The following GRM5 variants were observed in gnomAD, a reference collection of about 807,000 sequenced individuals.
The protein encoded by GRM5 is glutamate metabotropic receptor 5.
GRM5 carries 19 observed loss-of-function variants against 83.1 expected under a neutral mutation model. That is an observed-to-expected ratio of 0.23 (90% CI 0.16 to 0.34). The LOEUF (loss-of-function observed/expected upper bound fraction) is 0.34, where lower values mean the gene tolerates loss of function less well. Among genes scored for constraint, GRM5 ranks in the 10% least tolerant of loss-of-function variants. The probability of loss-of-function intolerance (pLI) is 1.00; values close to 1 mark genes in which losing one functional copy is unlikely to be tolerated. For missense variants in GRM5, 1,160 were observed against 1,588.3 expected, an observed-to-expected ratio of 0.73 and a Z score of 4.58; for synonymous variants, 675 against 633.6, an observed-to-expected ratio of 1.07 and a Z score of -0.98.
At chr11:88,854,882 TAGTA>T (rs1309181736) in intron 2 of GRM5, among the ~76,000 whole-genome samples, 5 of 152,118 alleles carry the variant, frequency 3.3e-5, no homozygotes, top group African/African-American at 9.6e-5. Flanking sequence ...AATCATACTT[TAGTA>T]AGTAATTTGT....
At chr11:89,011,113 T>G (rs1940683115) in intron 2 of GRM5, among the ~76,000 whole-genome samples, 1 of 152,236 alleles carries the variant, frequency 6.6e-6, no homozygotes, top group Non-Finnish European at 1.5e-5. Flanking sequence ...CTAACCTCAG[T>G]AAACAAAACC....
At chr11:88,683,395 T>C (rs1425751001) in intron 3 of GRM5, among the ~76,000 whole-genome samples, 11 of 152,252 alleles carry the variant, frequency 7.2e-5, no homozygotes, top group Non-Finnish European at 1.6e-4. Context: ...ACTATGCACA[T>C]AGTCACATTC....
At chr11:88,773,340 T>C (rs1293022293) in intron 3 of GRM5, among the ~76,000 whole-genome samples, 1 of 152,220 alleles carries the variant, frequency 6.6e-6, no homozygotes, top group Non-Finnish European at 1.5e-5. Flanking sequence ...CTTTGTAGAT[T>C]CTGGATATTA....
chr11:88,957,974 A>AT (rs1196317315), intron 2 of GRM5, among the ~76,000 whole-genome samples: 1 of 152,110 alleles, frequency 6.6e-6, no homozygotes, highest in East Asian at 1.9e-4. Context: ...TTTAAGAACT[A>AT]TTTTTAATTT....
chr11:88,791,778 A>T (rs182684204), intron 3 of GRM5, among the ~76,000 whole-genome samples: 1 of 152,182 alleles, frequency 6.6e-6, no homozygotes, highest in Admixed American at 6.5e-5. Context: ...TATTGAAATG[A>T]AATCAATTCT....
chr11:89,030,240 A>G lies in GRM5; in HGVS notation c.661+16972T>C, dbSNP rs1420362494. Among the ~76,000 whole-genome samples, 5 of 152,122 alleles carry G rather than the reference A, an allele frequency of 3.3e-5. No homozygotes were observed. The South Asian group carries it at 6.2e-4, about 19-fold the overall frequency. ...ATTCTTCCAGTAAAATTCTTTTTCA[A>G]TAAAAGTGTCTTCAGAATGATTGGC... is the stretch of plus-strand genomic sequence containing the variant. On this transcript the variant is annotated intron_variant, in intron 2 of 9. Coordinates refer to ENST00000305447, the MANE Select transcript of GRM5 (RefSeq NM_001143831.3).
chr11:88,590,783 T>C (rs1033692130), intron 6 of GRM5, 56 bp from the exon 7 acceptor site: 6 of 1,412,980 alleles, frequency 4.2e-6, no homozygotes, highest in Admixed American at 1.7e-5. Flanking sequence ...AATCCAACAA[T>C]TCTATATTCC....
At chr11:88,603,296 T>C (rs1938050906) in intron 5 of GRM5, among the ~76,000 whole-genome samples, 1 of 152,228 alleles carries the variant, frequency 6.6e-6, no homozygotes, top group Non-Finnish European at 1.5e-5. Context: ...TTTGGGTACC[T>C]GATATAAAAA....
chr11:88,986,790 A>G (rs1939730856), intron 2 of GRM5, among the ~76,000 whole-genome samples: 1 of 144,100 alleles, frequency 6.9e-6, no homozygotes, highest in Admixed American at 7.2e-5. Flanking sequence ...CACTGGGAAG[A>G]CCAATTTCAA....
chr11:88,771,649 T>G (rs1942739726), intron 3 of GRM5, among the ~76,000 whole-genome samples: 1 of 152,030 alleles, frequency 6.6e-6, no homozygotes, highest in African/African-American at 2.4e-5. Context: ...AACGTTAATC[T>G]CCTCTGGCAA....
At chr11:88,843,985 T>C (rs1414647248) in intron 3 of GRM5, among the ~76,000 whole-genome samples, 2 of 152,214 alleles carry the variant, frequency 1.3e-5, no homozygotes, top group African/African-American at 4.8e-5. Context: ...ACTGTCTCTG[T>C]AACATCAAAG....
intron 7 of GRM5, among the ~76,000 whole-genome samples, chr11:88,570,548 A>AT (rs1942966697): frequency 8.5e-6 from 1 of 118,246 alleles, no homozygotes; most frequent in Non-Finnish European, 1.6e-5. Context: ...AAAAGTATTA[A>AT]TAATATATAT....
At chr11:88,929,905 G>A (rs1449372796) in intron 2 of GRM5, among the ~76,000 whole-genome samples, 1 of 152,068 alleles carries the variant, frequency 6.6e-6, no homozygotes, top group Non-Finnish European at 1.5e-5. Flanking sequence ...AAGGATTCTA[G>A]TTTGGCTGTT....
intron 8 of GRM5, among the ~76,000 whole-genome samples, chr11:88,546,669 GAAGA>G (rs969976387): frequency 6.6e-6 from 1 of 152,060 alleles, no homozygotes; most frequent in East Asian, 1.9e-4. Context: ...ACTAGATAGT[GAAGA>G]AAGACTTTGT....
rs144685614 is a variant in GRM5 at position 88,567,159 on chromosome 11, C to T, written c.2524G>A (p.Val842Met). The change falls in exon 8 of 10, where the codon GTG (valine) becomes ATG (methionine). Residue 842 changes from valine to methionine, a missense_variant. Physicochemically the swap from Val to Met is conservative, Grantham distance 21. This residue lies in a region of GRM5 where 66 missense variants were observed against 138.6 expected (regional missense o/e 0.48). Coordinates refer to ENST00000305447, the MANE Select transcript of GRM5 (RefSeq NM_001143831.3). The surrounding 1 kb of genome is among the most constrained non-coding windows in gnomAD (Gnocchi z 7.3). ...CCATCCCCTACATGCATGCGCACCA[C>T]GGTAGATGTGGTGAAGGCGCTGCGC... ...NVRSAFTTST[V>M]VRMHVGDGKS... is the part of the protein sequence containing the mutation. 58 of 1,614,022 alleles carry T rather than the reference C, an allele frequency of 3.6e-5. No homozygotes were observed. Among genetic ancestry groups the T allele is most frequent in the African/African-American group, 1.7e-4 (13 of 75,020 alleles).
At chr11:88,769,593 C>G (rs1021170067) in intron 3 of GRM5, among the ~76,000 whole-genome samples, 1 of 151,918 alleles carries the variant, frequency 6.6e-6, no homozygotes, top group Non-Finnish European at 1.5e-5. Flanking sequence ...GCAACAATAA[C>G]AGCAACAGCA....
intron 3 of GRM5, among the ~76,000 whole-genome samples, chr11:88,712,086 G>T (rs991267488): frequency 5.3e-5 from 8 of 152,016 alleles, no homozygotes; most frequent in African/African-American, 1.9e-4. Context: ...ATTACTGGAG[G>T]ACAGAGGAGA....
chr11:88,509,344 C>G lies in GRM5; in HGVS notation c.2887G>C (p.Ala963Pro), dbSNP rs199674837. Residue 963 changes from alanine (A) to proline (P), a missense_variant, in exon 10 of 10, where the codon GCT becomes CCT. Physicochemically the swap from Ala to Pro is conservative, Grantham distance 27 (BLOSUM62 -1). Around this residue, in one of 9 missense-constraint regions of GRM5, gnomAD observed 562 missense variants for 532.4 expected, o/e 1.06. Transcript: ENST00000305447. ...PKSTESRGLGAGAGAGGSAGG... is the reference protein window; with the variant it reads ...PKSTESRGLGPGAGAGGSAGG... ...GCGCTCCCGCCTGCGCCAGCGCCAG[C>G]GCCCAGGCCACGGCTCTCCGTGCTC... is the stretch of plus-strand genomic sequence containing the variant. 2.3e-4 allele frequency: 362 copies of G among 1,604,222 alleles called. No homozygotes were observed. Among genetic ancestry groups the G allele is most frequent in the Non-Finnish European group, 2.8e-4 (332 of 1,176,526 alleles).
At chr11:88,995,096 A>T (rs902574427) in intron 2 of GRM5, among the ~76,000 whole-genome samples, 2 of 152,208 alleles carry the variant, frequency 1.3e-5, no homozygotes, top group Admixed American at 1.3e-4. Flanking sequence ...AAAAATTCCC[A>T]GAACAATGAT....
Sources: gnomAD v4.1 joint callset for allele counts (sites outside exome capture counted in the v4.1 genomes callset) on GRCh38, gnomAD v4.1.1 for gene constraint, gnomAD v4.1.1 regional missense constraint, Gnocchi (gnomAD v3.1) non-coding constraint, MANE v1.5 for transcripts, NCBI Gene and HGNC (gene_info 2026-07-23, HGNC 2026-07-21) for gene names.